PTPRD: variants seen among roughly 807,000 people sequenced by gnomAD.
The protein encoded by PTPRD is protein tyrosine phosphatase receptor type D, also known as receptor-type tyrosine-protein phosphatase delta.
PTPRD carries 34 observed loss-of-function variants against 214.5 expected under a neutral mutation model. That is an observed-to-expected ratio of 0.16 (90% CI 0.12 to 0.21). The LOEUF is 0.21. PTPRD is among the 10% of genes least tolerant of loss of function. The pLI, the probability that PTPRD is intolerant of heterozygous loss-of-function variation, is 1.00. For missense variants in PTPRD, 2,545 were observed against 2,398.7 expected (o/e 1.06, Z -1.27); for synonymous variants, 1,128 against 845.7 (o/e 1.33, Z -5.79).
intron 3 of PTPRD, among the ~76,000 whole-genome samples, chr9:10,090,889 CA>C (rs1331388201): frequency 1.4e-5 from 2 of 138,284 alleles, no homozygotes; most frequent in East Asian, 4.3e-4. Context: ...AAATCTACAC[CA>C]AAGGACATTT....
intron 9 of PTPRD, among the ~76,000 whole-genome samples, chr9:9,253,166 C>T (rs1569565748): frequency 6.6e-6 from 1 of 152,002 alleles, no homozygotes; most frequent in African/African-American, 2.4e-5. Flanking sequence ...GAAGTACCTA[C>T]TGACATAATA....
intron 2 of PTPRD, among the ~76,000 whole-genome samples, chr9:10,527,893 C>A (rs1418766496): frequency 6.6e-6 from 1 of 152,082 alleles, no homozygotes; most frequent in Non-Finnish European, 1.5e-5. Flanking sequence ...AATTATGTGG[C>A]TTTCAAGTGA....
chr9:10,170,007 CTT>C (rs201411300), intron 3 of PTPRD, among the ~76,000 whole-genome samples: 2,728 of 152,272 alleles, frequency 0.018, 79 homozygotes, highest in African/African-American at 0.062. Flanking sequence ...ATGATACTCT[CTT>C]ATCACAAAAT....
intron 2 of PTPRD, among the ~76,000 whole-genome samples, chr9:10,360,328 A>C (rs1373833757): frequency 6.6e-6 from 1 of 152,254 alleles, no homozygotes; most frequent in Non-Finnish European, 1.5e-5. Context: ...AGTACATCAC[A>C]AAACTCATCA....
In PTPRD at chr9:10,545,020, T is replaced by A. The variant is rs550158619; in HGVS notation, c.-600+67378A>T. Among the ~76,000 whole-genome samples, 14 of 152,320 alleles carry A rather than the reference T, an allele frequency of 9.2e-5. No individual in the cohort carries two copies. The South Asian group carries it at 1.4e-3, about 16-fold the overall frequency. ...CTTTAACTTTTATAAGTTTAAGTTTTAGATATGTAAAAGGGAGAAATGTCA... is the reference window on the plus strand; with the variant it reads ...CTTTAACTTTTATAAGTTTAAGTTTAAGATATGTAAAAGGGAGAAATGTCA... On this transcript the variant is annotated intron_variant, in intron 2 of 45. Coordinates refer to ENST00000381196, the MANE Select transcript of PTPRD (RefSeq NM_002839.4).
intron 3 of PTPRD, among the ~76,000 whole-genome samples, chr9:10,156,690 T>A (rs1387528250): frequency 6.6e-6 from 1 of 152,206 alleles, no homozygotes; most frequent in Admixed American, 6.5e-5. Flanking sequence ...AATATCTTTG[T>A]TAATTTTCTG....
chr9:10,589,559 CA>C (rs1384065196), intron 2 of PTPRD, among the ~76,000 whole-genome samples: 1 of 152,022 alleles, frequency 6.6e-6, no homozygotes, highest in Non-Finnish European at 1.5e-5. Flanking sequence ...GGGGGAGAGA[CA>C]GACAGAGGCA....
intron 12 of PTPRD, among the ~76,000 whole-genome samples, chr9:8,710,330 A>C (rs1228153766): frequency 6.6e-6 from 1 of 152,176 alleles, no homozygotes; most frequent in African/African-American, 2.4e-5. Flanking sequence ...GATATTAAAA[A>C]ATAAGGCCAT....
At chr9:10,088,400 A>G (rs1312161015) in intron 3 of PTPRD, among the ~76,000 whole-genome samples, 1 of 151,796 alleles carries the variant, frequency 6.6e-6, no homozygotes, top group Non-Finnish European at 1.5e-5. Context: ...CCCCAAGTAC[A>G]CATCTTCTGA....
At chr9:9,561,627 A>G (rs2082977450) in intron 8 of PTPRD, among the ~76,000 whole-genome samples, 1 of 152,232 alleles carries the variant, frequency 6.6e-6, no homozygotes, top group Non-Finnish European at 1.5e-5. Context: ...GTGCAGGGAA[A>G]AAGGCATTTA....
intron 3 of PTPRD, among the ~76,000 whole-genome samples, chr9:10,306,192 T>G (rs1250962978): frequency 1.3e-5 from 2 of 150,326 alleles, no homozygotes; most frequent in African/African-American, 4.9e-5. Flanking sequence ...AAACACCGCA[T>G]GTTCCCACTC....
intron 7 of PTPRD, among the ~76,000 whole-genome samples, chr9:9,607,124 A>G (rs1267813763): frequency 6.6e-6 from 1 of 152,048 alleles, no homozygotes; most frequent in Non-Finnish European, 1.5e-5. Flanking sequence ...CACAGACTGA[A>G]TGCAATGAGT....
intron 2 of PTPRD, among the ~76,000 whole-genome samples, chr9:10,451,341 G>A (rs2098840386): frequency 6.6e-6 from 1 of 151,816 alleles, no homozygotes; most frequent in Admixed American, 6.6e-5. Context: ...CAAAATGACT[G>A]GAGTCTGTGA....
intron 9 of PTPRD, among the ~76,000 whole-genome samples, chr9:9,220,742 T>C (rs1167080244): frequency 6.6e-6 from 1 of 152,148 alleles, no homozygotes; most frequent in Non-Finnish European, 1.5e-5. Context: ...TATGTAGGAA[T>C]GTGGGTAACT....
In PTPRD at chr9:8,635,793, CCTT is replaced by C. The variant is rs1187493406; in HGVS notation, c.210+903_210+905del. 3.3e-5 allele frequency among the ~76,000 whole-genome samples: 5 copies of C among 152,016 alleles called. 1 individual carries two copies. The highest frequency in any genetic ancestry group is 3.3e-4 in the Admixed American group (5 of 15,236). On this transcript the variant is annotated intron_variant, in intron 13 of 45. Transcript: ENST00000381196. ...TGGTAGCCCCTAAAATTAAAGCTAT[CCTT>C]CTCATGTCTTAAATTATGGGCATGC...
At chr9:9,934,849 C>G (rs928013989) in intron 5 of PTPRD, among the ~76,000 whole-genome samples, 1 of 152,096 alleles carries the variant, frequency 6.6e-6, no homozygotes. Flanking sequence ...CAAAACGAAT[C>G]CAGCAGCACA....
chr9:9,550,662 A>T (rs1380507361), intron 8 of PTPRD, among the ~76,000 whole-genome samples: 1 of 151,552 alleles, frequency 6.6e-6, no homozygotes, highest in Non-Finnish European at 1.5e-5. Flanking sequence ...ACCCCGCATG[A>T]AAAGAATGTA....
At chr9:10,572,424 A>T (rs2067747045) in intron 2 of PTPRD, among the ~76,000 whole-genome samples, 1 of 152,148 alleles carries the variant, frequency 6.6e-6, no homozygotes, top group Non-Finnish European at 1.5e-5. Context: ...TGGACAAATC[A>T]TCTCAATATC....
intron 9 of PTPRD, among the ~76,000 whole-genome samples, chr9:9,387,420 A>G (rs1287204386): frequency 1.3e-5 from 2 of 152,060 alleles, no homozygotes; most frequent in Non-Finnish European, 2.9e-5. Flanking sequence ...GTTATTGAGG[A>G]CATTTATTCG....
Sources: gnomAD v4.1 joint callset for allele counts (sites outside exome capture counted in the v4.1 genomes callset) on GRCh38, gnomAD v4.1.1 for gene constraint, MANE v1.5 for transcripts, NCBI Gene and HGNC (gene_info 2026-07-23, HGNC 2026-07-21) for gene names.